COL4A1: variants seen among roughly 807,000 people sequenced by gnomAD.
COL4A1 encodes the protein collagen alpha-1(IV) chain.
Under a neutral mutation model 216.6 loss-of-function variants are expected in COL4A1, and 40 were observed. The ratio of observed to expected loss-of-function variants is 0.18; its 90% CI spans 0.14 to 0.24. COL4A1 has a LOEUF of 0.24. Ranked by LOEUF, COL4A1 falls within the 10% of genes least tolerant of loss-of-function variation. COL4A1 has a pLI of 1.00. For synonymous variants in COL4A1, 839 were observed against 810.7 expected (o/e 1.03, Z -0.59); for missense variants, 1,628 against 2,196.8 (o/e 0.74, Z 5.18).
At chr13:110,203,135 C>A (rs530115158) in intron 18 of COL4A1, among the ~76,000 whole-genome samples, 5 of 152,158 alleles carry the variant, frequency 3.3e-5, no homozygotes, top group Non-Finnish European at 7.4e-5. Context: ...ATCACTTGAA[C>A]CCAGGAGGCA....
chr13:110,169,566 T>C (rs1368867056), intron 43 of COL4A1, 63 bp downstream of exon 43: 1 of 1,605,842 alleles, frequency 6.2e-7, no homozygotes, highest in Non-Finnish European at 8.5e-7. Flanking sequence ...CATAGACACA[T>C]ATGAATACTT....
At chr13:110,231,622 G>A (rs1340636802) in intron 2 of COL4A1, among the ~76,000 whole-genome samples, 1 of 152,086 alleles carries the variant, frequency 6.6e-6, no homozygotes. Flanking sequence ...GAACCTGTAG[G>A]GCAGGCTCCA....
intron 1 of COL4A1, among the ~76,000 whole-genome samples, chr13:110,253,811 TTATAC>T (rs1168572379): frequency 1.2e-5 from 1 of 80,440 alleles, no homozygotes; most frequent in African/African-American, 3.5e-5. Context: ...ATATGTATAA[TTATAC>T]GTATGTATGT....
At chr13:110,260,450 A>G (rs1882769327) in intron 1 of COL4A1, among the ~76,000 whole-genome samples, 1 of 152,208 alleles carries the variant, frequency 6.6e-6, no homozygotes, top group Non-Finnish European at 1.5e-5. Context: ...ACACCATTAC[A>G]GGTAACCTCT....
chr13:110,213,268 T>TA (rs3837555), intron 4 of COL4A1, among the ~76,000 whole-genome samples: 81 of 150,950 alleles, frequency 5.4e-4, no homozygotes, highest in East Asian at 3.9e-3. Flanking sequence ...AAAATTGAAA[T>TA]AAAAAAAAAC....
At chr13:110,190,469 A>G (rs562018624) in intron 24 of COL4A1, among the ~76,000 whole-genome samples, 1 of 152,162 alleles carries the variant, frequency 6.6e-6, no homozygotes, top group Non-Finnish European at 1.5e-5. Flanking sequence ...GGCATCATCA[A>G]TCCGCTCGGG....
At chr13:110,289,185 G>A (rs1883977287) in intron 1 of COL4A1, among the ~76,000 whole-genome samples, 1 of 152,180 alleles carries the variant, frequency 6.6e-6, no homozygotes, top group East Asian at 1.9e-4. Flanking sequence ...AAGTTCTCCT[G>A]GATGGAAGAG....
At chr13:110,180,052 CCT>C (rs1878074530) in intron 29 of COL4A1, among the ~76,000 whole-genome samples, 1 of 152,080 alleles carries the variant, frequency 6.6e-6, no homozygotes, top group South Asian at 2.1e-4. Flanking sequence ...ACCGGTGTCC[CCT>C]GTCTGCAAAT....
rs1043072235 is a variant in COL4A1 at position 110,205,656 on chromosome 13, A to G, written c.859-118T>C. The G allele has an allele frequency of 9.3e-6, 10 of 1,076,234 alleles. No homozygotes were observed. In the East Asian group the frequency reaches 9.8e-5, roughly 11 times the overall value. 66.7% of individuals were successfully genotyped at this position (1,076,234 alleles called of 1,614,324 possible). On this transcript the variant is annotated intron_variant, in intron 15 of 51. Transcript: ENST00000375820. ...GGTGGGTGGATCACCTGAGGTCAGGAGTTCGAGACCAGCCTGGCCAACATG... is the reference window on the plus strand; with the variant it reads ...GGTGGGTGGATCACCTGAGGTCAGGGGTTCGAGACCAGCCTGGCCAACATG...
chr13:110,287,644 C>T (rs1165685041), intron 1 of COL4A1, among the ~76,000 whole-genome samples: 1 of 152,252 alleles, frequency 6.6e-6, no homozygotes, highest in Non-Finnish European at 1.5e-5. Context: ...CCGGCACGTC[C>T]TTGAGCGCCG....
At position 110,186,380 on chromosome 13, in the gene COL4A1, C is replaced by G; in HGVS notation, c.1897+5G>C. Reference sequence around the variant, plus strand: ...ATGCTGCATCACGAGTTTCTCAGGCCTCACCTGGCAGGCCTGGGGATCCAG... The same window carrying G: ...ATGCTGCATCACGAGTTTCTCAGGCGTCACCTGGCAGGCCTGGGGATCCAG... On this transcript the variant is annotated splice_donor_5th_base_variant and intron_variant, in intron 26 of 51. Coordinates refer to ENST00000375820, the MANE Select transcript of COL4A1 (RefSeq NM_001845.6). 6.2e-7 allele frequency: 1 copy of G among 1,613,014 alleles called. No individual in the cohort carries two copies.
chr13:110,284,142 C>T (rs890898753), intron 1 of COL4A1, among the ~76,000 whole-genome samples: 15 of 152,168 alleles, frequency 9.9e-5, no homozygotes, highest in Non-Finnish European at 1.0e-4. Context: ...AATTTCACAC[C>T]CAGACAGGAT....
At chr13:110,257,378 T>G (rs922797162) in intron 1 of COL4A1, among the ~76,000 whole-genome samples, 2 of 152,080 alleles carry the variant, frequency 1.3e-5, no homozygotes, top group Non-Finnish European at 2.9e-5. Context: ...CAACAGCAAC[T>G]AAAACTCTCC....
intron 22 of COL4A1, among the ~76,000 whole-genome samples, chr13:110,194,305 A>C (rs1397453536): frequency 6.6e-6 from 1 of 152,232 alleles, no homozygotes; most frequent in South Asian, 2.1e-4. Flanking sequence ...TACAGTTCAC[A>C]GGCAGAAATG....
intron 21 of COL4A1, among the ~76,000 whole-genome samples, chr13:110,197,954 C>A (rs576403856): frequency 1.3e-5 from 2 of 152,296 alleles, no homozygotes; most frequent in Middle Eastern, 3.4e-3. Flanking sequence ...TGGGACCACA[C>A]GGCCATCTTA....
rs939553089 is a variant in COL4A1, at chr13:110,209,322, A to G, written c.651+70T>C. The G allele has an allele frequency of 2.1e-5, 29 of 1,364,594 alleles. No homozygotes were observed. The African/African-American group carries it at 4.2e-4, about 20-fold the overall frequency. The allele number at this position is 1,364,594 out of a possible 1,614,324, so 84.5% of individuals were successfully genotyped here. ...TTTTAGAGACTGAAAGAATAAGAAG[A>G]GTGAGCTATAGCAATTTCATGATAG... On this transcript the variant is annotated intron_variant, in intron 11 of 51. Coordinates refer to ENST00000375820, the MANE Select transcript of COL4A1 (RefSeq NM_001845.6).
intron 1 of COL4A1, among the ~76,000 whole-genome samples, chr13:110,305,287 G>A (rs1248450074): frequency 6.6e-6 from 1 of 152,254 alleles, no homozygotes; most frequent in African/African-American, 2.4e-5. Flanking sequence ...TTTAGGAAAT[G>A]ATTAAAGGGA....
chr13:110,201,605 G>A, intron 18 of COL4A1, 83 bp from the exon 19 acceptor site: 2 of 1,148,000 alleles, frequency 1.7e-6, no homozygotes, highest in South Asian at 1.2e-5. Flanking sequence ...GTGAAGAAAT[G>A]TACATATTTG....
intron 18 of COL4A1, among the ~76,000 whole-genome samples, chr13:110,202,854 T>C (rs1025519207): frequency 2.0e-5 from 3 of 152,212 alleles, no homozygotes; most frequent in Non-Finnish European, 4.4e-5. Context: ...TTTACCAGGA[T>C]AGTTAAATTA....
Sources: allele counts gnomAD v4.1 joint callset (sites outside exome capture counted in the v4.1 genomes callset), GRCh38; gene constraint gnomAD v4.1.1; transcripts MANE v1.5; gene names NCBI Gene and HGNC (gene_info 2026-07-23, HGNC 2026-07-21).